The following NXPH2 variants were observed in gnomAD, a reference collection of about 807,000 sequenced individuals.
NXPH2 encodes neurexophilin-2.
In NXPH2, 5 loss-of-function variants were observed where a neutral mutation model predicts 19.8. The ratio of observed to expected loss-of-function variants is 0.25; its 90% confidence interval spans 0.13 to 0.53. The LOEUF is 0.53. Among genes scored for constraint, NXPH2 ranks in the 20% least tolerant of loss-of-function variants. The probability of loss-of-function intolerance (pLI) is 0.96; values close to 1 mark genes in which losing one functional copy is unlikely to be tolerated. For synonymous variants in NXPH2, 154 were observed against 127.4 expected, an observed-to-expected ratio of 1.21 and a Z score of -1.41; for missense variants, 289 against 322.8, an observed-to-expected ratio of 0.90 and a Z score of 0.80.
intron 1 of NXPH2, among the ~76,000 whole-genome samples, chr2:138,772,244 A>G (rs889292780): frequency 7.9e-5 from 12 of 152,182 alleles, no homozygotes; most frequent in African/African-American, 2.9e-4. Context: ...CTTAACATGA[A>G]AATGGCATTA....
chr2:138,712,706 G>C (rs936583886), intron 1 of NXPH2, among the ~76,000 whole-genome samples: 5 of 152,098 alleles, frequency 3.3e-5, no homozygotes, highest in Admixed American at 6.6e-5. Flanking sequence ...TTACTTTACT[G>C]TTCCACAAAG....
chr2:138,755,226 C>A (rs374866157), intron 1 of NXPH2, among the ~76,000 whole-genome samples: 1 of 151,948 alleles, frequency 6.6e-6, no homozygotes, highest in Non-Finnish European at 1.5e-5. Context: ...TTTTTTCTTT[C>A]GCAAAGTGTG....
At chr2:138,755,830 T>A (rs547754821) in intron 1 of NXPH2, among the ~76,000 whole-genome samples, 1 of 151,446 alleles carries the variant, frequency 6.6e-6, no homozygotes, top group Non-Finnish European at 1.5e-5. Context: ...TTTATTTAGA[T>A]TTTTTTTTGT....
chr2:138,693,190 C>A (rs993152357), intron 1 of NXPH2, among the ~76,000 whole-genome samples: 8 of 152,168 alleles, frequency 5.3e-5, no homozygotes, highest in African/African-American at 1.9e-4. Context: ...CTGTTCTGGT[C>A]ATCATTGTCA....
Position 138,772,532 on chromosome 2 carries a change from G to A in NXPH2, c.51+7659C>T, listed in dbSNP as rs62163226. On this transcript the variant is annotated intron_variant, in intron 1 of 1. Coordinates refer to ENST00000272641, the MANE Select transcript of NXPH2 (RefSeq NM_007226.3). ...AGCTGGTCTCGAACTCCCGACCTCA[G>A]GTGATCTCCCCACCTCGACCTCTCA... is the stretch of plus-strand genomic sequence containing the variant. 3.1e-3 allele frequency among the ~76,000 whole-genome samples: 471 copies of A among 152,236 alleles called. 2 individuals are homozygous for A. Among genetic ancestry groups the A allele is most frequent in the Admixed American group, 5.6e-3 (85 of 15,302 alleles).
chr2:138,742,030 T>C (rs1681651759), intron 1 of NXPH2, among the ~76,000 whole-genome samples: 2 of 152,226 alleles, frequency 1.3e-5, no homozygotes, highest in African/African-American at 4.8e-5. Flanking sequence ...TACCTCATGA[T>C]TCTAGCCAAC....
Position 138,670,701 on chromosome 2 carries a change from TAAA to T in NXPH2, c.*218_*220del. On this transcript the variant is annotated 3_prime_UTR_variant, in exon 2 of 2. Coordinates refer to ENST00000272641, the MANE Select transcript of NXPH2 (RefSeq NM_007226.3). ...ATCTTGCATGAAAGTGATGGTTTCATAAACAGTTTAACTTTTTAGATAAAGGTA... is the reference window on the plus strand; with the variant it reads ...ATCTTGCATGAAAGTGATGGTTTCATCAGTTTAACTTTTTAGATAAAGGTA... The T allele has an allele frequency of 2.2e-6, 1 of 448,004 alleles. No individual in the cohort carries two copies. The highest frequency in any genetic ancestry group is 4.8e-5 in the South Asian group (1 of 20,996). The allele number at this position is 448,004 out of a possible 1,614,324, so 27.8% of individuals were successfully genotyped here.
intron 1 of NXPH2, among the ~76,000 whole-genome samples, chr2:138,752,561 A>G (rs1399544675): frequency 6.6e-6 from 1 of 152,170 alleles, no homozygotes; most frequent in African/African-American, 2.4e-5. Context: ...TAGTTTCAAC[A>G]TCTTATATTA....
intron 1 of NXPH2, among the ~76,000 whole-genome samples, chr2:138,676,994 CAGCAAAGGG>C (rs1680494053): frequency 6.6e-6 from 1 of 152,150 alleles, no homozygotes; most frequent in South Asian, 2.1e-4. Context: ...CTACATGAAT[CAGCAAAGGG>C]AGCTGAGAAT....
chr2:138,726,914 C>A (rs1339953047), intron 1 of NXPH2, among the ~76,000 whole-genome samples: 1 of 152,170 alleles, frequency 6.6e-6, no homozygotes, highest in African/African-American at 2.4e-5. Context: ...AATAGTTTGA[C>A]TGCCTTAAAA....
intron 1 of NXPH2, among the ~76,000 whole-genome samples, chr2:138,729,542 A>G (rs1681412439): frequency 6.6e-6 from 1 of 152,162 alleles, no homozygotes; most frequent in Non-Finnish European, 1.5e-5. Flanking sequence ...AAAAATAGAA[A>G]TCAAAATGTT....
chr2:138,690,418 G>C lies in NXPH2; in HGVS notation c.52-18753C>G, dbSNP rs140751566. ...TACATCCAGGCCATGTCCCTCCACT[G>C]TTCACCCTCCTCAGTGCATTCCATT... On this transcript the variant is annotated intron_variant, in intron 1 of 1. Coordinates refer to ENST00000272641, the MANE Select transcript of NXPH2 (RefSeq NM_007226.3). 2.2e-3 allele frequency among the ~76,000 whole-genome samples: 339 copies of C among 152,116 alleles called. 2 individuals are homozygous for C. Among genetic ancestry groups the C allele is most frequent in the South Asian group, 4.2e-3 (20 of 4,802 alleles).
Position 138,736,729 on chromosome 2 carries a change from G to T in NXPH2, c.51+43462C>A, listed in dbSNP as rs561809383. 6.9e-4 allele frequency among the ~76,000 whole-genome samples: 105 copies of T among 152,310 alleles called. 1 individual carries two copies. Among genetic ancestry groups the T allele is most frequent in the African/African-American group, 2.3e-3 (94 of 41,566 alleles). On this transcript the variant is annotated intron_variant, in intron 1 of 1. Coordinates refer to ENST00000272641, the MANE Select transcript of NXPH2 (RefSeq NM_007226.3). ...TTCTTTTCTATCACATTGTCAGGCT[G>T]CAAATTTTCCAAACTTTTATGCTAT...
chr2:138,698,091 A>G (rs1049542919), intron 1 of NXPH2, among the ~76,000 whole-genome samples: 16 of 152,100 alleles, frequency 1.1e-4, no homozygotes, highest in Admixed American at 2.6e-4. Flanking sequence ...CCTCAATATC[A>G]ATGGTGACGA....
In NXPH2 at chr2:138,759,067, A is replaced by G. The variant is rs924877478; in HGVS notation, c.51+21124T>C. On this transcript the variant is annotated intron_variant, in intron 1 of 1. Coordinates refer to ENST00000272641, the MANE Select transcript of NXPH2 (RefSeq NM_007226.3). Reference sequence around the variant, plus strand: ...TCTTTTTAACTTCTTTTGAACTTCAAAAGACTCTGGTGCATCATTTTTCCA... The same window carrying G: ...TCTTTTTAACTTCTTTTGAACTTCAGAAGACTCTGGTGCATCATTTTTCCA... Among the ~76,000 whole-genome samples, 4 of 152,166 alleles carry G rather than the reference A, an allele frequency of 2.6e-5. No homozygotes were observed. In the South Asian group the frequency reaches 8.3e-4, roughly 32 times the overall value.
intron 1 of NXPH2, among the ~76,000 whole-genome samples, chr2:138,707,094 C>CAAAAAAAAAAAAAAAAAAAAAA (rs70982073): frequency 0.058 from 1,996 of 34,686 alleles, 606 homozygotes; most frequent in Non-Finnish European, 0.093. Flanking sequence ...TGCCCCATGA[C>CAAAAAAAAAAAAAAAAAAAAAA]AAAAAAAAAA....
At chr2:138,772,415 G>C (rs1161336968) in intron 1 of NXPH2, among the ~76,000 whole-genome samples, 1 of 152,178 alleles carries the variant, frequency 6.6e-6, no homozygotes, top group Admixed American at 6.5e-5. Flanking sequence ...TCCTGCCTCA[G>C]CCTCCCAGGT....
At chr2:138,687,263 T>C (rs1053787159) in intron 1 of NXPH2, among the ~76,000 whole-genome samples, 2 of 152,246 alleles carry the variant, frequency 1.3e-5, no homozygotes, top group South Asian at 2.1e-4. Flanking sequence ...TGTGAGATGG[T>C]ATCTCATTGT....
chr2:138,708,463 T>A (rs1681050875), intron 1 of NXPH2, among the ~76,000 whole-genome samples: 1 of 152,226 alleles, frequency 6.6e-6, no homozygotes, highest in African/African-American at 2.4e-5. Flanking sequence ...GTAATGTGAT[T>A]TAATATGCAA....
Sources: gnomAD v4.1 joint callset for allele counts (sites outside exome capture counted in the v4.1 genomes callset) on GRCh38, gnomAD v4.1.1 for gene constraint, MANE v1.5 for transcripts, NCBI Gene and HGNC (gene_info 2026-07-23, HGNC 2026-07-21) for gene names.